The following DHX36 variants were observed in gnomAD, a reference collection of about 807,000 sequenced individuals.
The protein encoded by DHX36 is ATP-dependent DNA/RNA helicase DHX36.
Under a neutral mutation model 139.0 loss-of-function variants are expected in DHX36, and 50 were observed. That is an observed-to-expected ratio of 0.36 (90% CI 0.29 to 0.46). The LOEUF (loss-of-function observed/expected upper bound fraction) is 0.46, where lower values mean the gene tolerates loss of function less well. Ranked by LOEUF, DHX36 falls within the 20% of genes least tolerant of loss-of-function variation. The pLI is 1.00. For missense variants in DHX36, 1,024 were observed against 1,211.3 expected (o/e 0.85, Z 2.29); for synonymous variants, 425 against 401.9 (o/e 1.06, Z -0.69).
At chr3:154,276,487 C>T in intron 24 of DHX36, 131 bp from the exon 25 acceptor site, 1 of 902,080 alleles carries the variant, frequency 1.1e-6, no homozygotes, top group South Asian at 1.7e-5. Flanking sequence ...ATTTAGTGAG[C>T]AATCAACTAA....
chr3:154,284,373 G>C (rs1711501123), intron 19 of DHX36, among the ~76,000 whole-genome samples: 1 of 151,754 alleles, frequency 6.6e-6, no homozygotes, highest in Admixed American at 6.6e-5. Context: ...TAGAGACAGG[G>C]TTTCGCCATG....
chr3:154,308,249 G>C (rs1430638562), intron 5 of DHX36, among the ~76,000 whole-genome samples: 1 of 152,110 alleles, frequency 6.6e-6, no homozygotes, highest in Non-Finnish European at 1.5e-5. Context: ...GAAGTCTACT[G>C]CTCTTTCTTT....
At chr3:154,320,164 T>G (rs1347216526) in intron 1 of DHX36, among the ~76,000 whole-genome samples, 1 of 152,178 alleles carries the variant, frequency 6.6e-6, no homozygotes, top group Non-Finnish European at 1.5e-5. Context: ...CTTTAAACAC[T>G]ACTCTTAGAT....
chr3:154,305,120 G>A lies in DHX36; in HGVS notation c.942C>T (p.Ile314=). The change falls in exon 7 of 25, where the codon ATC becomes ATT. Residue 314 remains isoleucine, a synonymous_variant. Transcript: ENST00000496811. ...GGTCTGACTGGAGCCACTGAAGGAT[G>A]ATTCCTGTTGTACAGTATAAGATAG... The part of the protein sequence containing the change: ...QGSILYCTTG[I]ILQWLQSDPY... 1 of 1,613,714 alleles carries A rather than the reference G, an allele frequency of 6.2e-7. No individual in the cohort carries two copies. The highest frequency in any genetic ancestry group is 1.1e-5 in the South Asian group (1 of 90,984).
At chr3:154,307,391 G>C (rs949164640) in intron 5 of DHX36, among the ~76,000 whole-genome samples, 1 of 152,098 alleles carries the variant, frequency 6.6e-6, no homozygotes, top group Non-Finnish European at 1.5e-5. Flanking sequence ...CAAATACCCA[G>C]TATATACAAG....
chr3:154,280,624 G>T lies in DHX36; in HGVS notation c.2522C>A (p.Pro841His). The change falls in exon 22 of 25, where the codon CCC becomes CAC. Residue 841 changes from proline to histidine, a missense_variant. Pro to His is a moderately conservative substitution (Grantham distance 77). Around this residue, in one of 4 missense-constraint regions of DHX36, gnomAD observed 470 missense variants for 616.2 expected, o/e 0.76. Transcript: ENST00000496811. ...IKAVICAGLYPKVAKIRLNLG... is the reference protein window; with the variant it reads ...IKAVICAGLYHKVAKIRLNLG... The stretch of plus-strand genomic sequence containing the variant: ...ATTTAGTCGAATTTTAGCAACTTTG[G>T]GATATAAACCAGCACAGATGACAGC... The T allele has an allele frequency of 6.2e-7, 1 of 1,611,966 alleles. No homozygotes were observed. Among genetic ancestry groups the T allele is most frequent in the Non-Finnish European group, 8.5e-7 (1 of 1,179,086 alleles).
At chr3:154,315,866 T>C (rs537516688) in intron 2 of DHX36, among the ~76,000 whole-genome samples, 173 bp downstream of exon 2, 10 of 152,206 alleles carry the variant, frequency 6.6e-5, no homozygotes, top group African/African-American at 2.2e-4. Context: ...AGCTTTCCTA[T>C]GGAAACATGC....
At chr3:154,322,203 C>T (rs185524197) in intron 1 of DHX36, among the ~76,000 whole-genome samples, 1 of 152,236 alleles carries the variant, frequency 6.6e-6, no homozygotes, top group East Asian at 1.9e-4. Context: ...GAGAAATGTG[C>T]ACAGCGGTAA....
At chr3:154,290,900 C>T (rs371739632) in intron 15 of DHX36, among the ~76,000 whole-genome samples, 2 of 151,206 alleles carry the variant, frequency 1.3e-5, no homozygotes, top group Middle Eastern at 3.4e-3. Flanking sequence ...TTTGGGAGGC[C>T]GAGGCGGGCG....
At chr3:154,291,375 T>G (rs1479638357) in intron 15 of DHX36, among the ~76,000 whole-genome samples, 1 of 152,204 alleles carries the variant, frequency 6.6e-6, no homozygotes, top group African/African-American at 2.4e-5. Context: ...TAAGGCTTAG[T>G]ATGTTTATTA....
chr3:154,285,114 T>C (rs1446747579), intron 17 of DHX36, 127 bp from the exon 18 acceptor site: 1 of 977,974 alleles, frequency 1.0e-6, no homozygotes, highest in Non-Finnish European at 1.5e-6. Flanking sequence ...CCAAATATTG[T>C]TCAGCTTTAG....
intron 15 of DHX36, among the ~76,000 whole-genome samples, chr3:154,290,790 T>C (rs1711763749): frequency 6.6e-6 from 1 of 152,034 alleles, no homozygotes; most frequent in Admixed American, 6.6e-5. Context: ...AGACCCACTG[T>C]CTATTATATA....
At chr3:154,276,714 G>A (rs9289943) in intron 24 of DHX36, 33 bp downstream of exon 24, 537,039 of 1,602,876 alleles carry the variant, frequency 0.34, 93,924 homozygotes, top group South Asian at 0.42. Flanking sequence ...TGACTTACAT[G>A]TAGATTTAAG....
At position 154,296,476 on chromosome 3, in the gene DHX36, A is replaced by AAAT. The variant is rs536569729; in HGVS notation, c.1550-1140_1550-1138dup. Among the ~76,000 whole-genome samples the AAAT allele has an allele frequency of 2.1e-3, 313 of 151,346 alleles. 8 individuals carry two copies. In the South Asian group the frequency reaches 0.037, roughly 18 times the overall value. On this transcript the variant is annotated intron_variant, in intron 12 of 24. Coordinates refer to ENST00000496811, the MANE Select transcript of DHX36 (RefSeq NM_020865.3). ...GTGACAGAGCGAGACTCCGTCTCAA[A>AAAT]AATAATAATAATAATAATAATAATA...
At position 154,316,023 on chromosome 3, in the gene DHX36, A is replaced by T; in HGVS notation, c.368+16T>A. The T allele has an allele frequency of 5.6e-6, 9 of 1,606,682 alleles. No homozygotes were observed. Among genetic ancestry groups the T allele is most frequent in the Non-Finnish European group, 7.6e-6 (9 of 1,177,352 alleles). Reference sequence around the variant, plus strand: ...TACTCTTTGCCTATTCTTTAAAAAAATATTTCTTGTCGTACCCATGATCCT... The same window carrying T: ...TACTCTTTGCCTATTCTTTAAAAAATTATTTCTTGTCGTACCCATGATCCT... On this transcript the variant is annotated intron_variant, in intron 2 of 24. Transcript: ENST00000496811.
chr3:154,283,709 A>G (rs1460198991), intron 19 of DHX36, among the ~76,000 whole-genome samples: 6 of 152,086 alleles, frequency 3.9e-5, no homozygotes, highest in Non-Finnish European at 7.4e-5. Flanking sequence ...AAAGACAAAA[A>G]AACATGAACT....
At chr3:154,291,134 CAAAAAAAAAAAAAAA>C (rs71152798) in intron 15 of DHX36, among the ~76,000 whole-genome samples, 3 of 61,050 alleles carry the variant, frequency 4.9e-5, no homozygotes, top group Admixed American at 2.2e-4. Context: ...GACTCCGTCT[CAAAAAAAAAAAAAAA>C]AAAAAAAAAA....
chr3:154,300,513 A>T, intron 11 of DHX36, 81 bp downstream of exon 11: 2 of 1,101,580 alleles, frequency 1.8e-6, no homozygotes, highest in Non-Finnish European at 2.7e-6. Context: ...ATAAGCATTT[A>T]AGAAAACTGT....
At position 154,289,846 on chromosome 3, in the gene DHX36, A is replaced by G. The variant is rs1214136858; in HGVS notation, c.1815-20T>C. The G allele has an allele frequency of 1.4e-6, 2 of 1,452,330 alleles. No homozygotes were observed. Among genetic ancestry groups the G allele is most frequent in the African/African-American group, 2.9e-5 (2 of 69,992 alleles). 90.0% of individuals were successfully genotyped at this position (1,452,330 alleles called of 1,614,324 possible). ...TGAACTCTTAAAAAAAAAACAAAAC[A>G]AAATGAAACAAAGAGGGACAGTCAT... On this transcript the variant is annotated intron_variant, in intron 15 of 24. Transcript: ENST00000496811.
Sources: allele counts gnomAD v4.1 joint callset (sites outside exome capture counted in the v4.1 genomes callset), GRCh38; gene constraint gnomAD v4.1.1; regional missense constraint gnomAD v4.1.1; transcripts MANE v1.5; gene names NCBI Gene and HGNC (gene_info 2026-07-23, HGNC 2026-07-21).